The following RNF125 variants were observed in gnomAD, a reference collection of about 807,000 sequenced individuals.
The protein encoded by RNF125 is E3 ubiquitin-protein ligase RNF125.
RNF125 carries 21 observed loss-of-function variants against 26.0 expected under a neutral mutation model. The ratio of observed to expected loss-of-function variants is 0.81; its 90% CI spans 0.57 to 1.16. RNF125 has a LOEUF of 1.16. RNF125 is among the 50% of genes most tolerant of loss of function. RNF125 has a pLI of 0.00. For missense variants in RNF125, 270 were observed against 299.4 expected, an observed-to-expected ratio of 0.90 and a Z score of 0.72; for synonymous variants, 95 against 109.2, an observed-to-expected ratio of 0.87 and a Z score of 0.81.
chr18:32,043,815 A>C (rs1433343854), intron 3 of RNF125, among the ~76,000 whole-genome samples: 3 of 152,192 alleles, frequency 2.0e-5, no homozygotes, highest in Non-Finnish European at 1.5e-5. Flanking sequence ...TCTTTGCTTT[A>C]CAGAAGAATT....
At chr18:32,021,975 T>G (rs2038990868) in intron 1 of RNF125, among the ~76,000 whole-genome samples, 1 of 152,230 alleles carries the variant, frequency 6.6e-6, no homozygotes, top group Non-Finnish European at 1.5e-5. Flanking sequence ...ATTTCCATAT[T>G]CCTCCTTTTG....
At chr18:32,052,417 T>C (rs1308316332) in intron 4 of RNF125, among the ~76,000 whole-genome samples, 1 of 149,656 alleles carries the variant, frequency 6.7e-6, no homozygotes, top group African/African-American at 2.5e-5. Context: ...TGTTTGAACC[T>C]GGGAGGTGGA....
chr18:32,061,924 A>G (rs336279), intron 4 of RNF125, among the ~76,000 whole-genome samples: 69,845 of 152,054 alleles, frequency 0.46, 16,210 homozygotes, highest in African/African-American at 0.54. Flanking sequence ...GAGAGGCTGA[A>G]ATGAAATCGG....
the RNF125 span, among the ~76,000 whole-genome samples, chr18:32,083,043 C>T: frequency 6.6e-6 from 1 of 152,186 alleles, no homozygotes; most frequent in Non-Finnish European, 1.5e-5. Flanking sequence ...AAATGATGCC[C>T]ATGAGATGCT....
intron 1 of RNF125, among the ~76,000 whole-genome samples, chr18:32,035,581 G>T (rs1280205632): frequency 6.6e-6 from 1 of 152,058 alleles, no homozygotes; most frequent in African/African-American, 2.4e-5. Context: ...AAATTAGAAT[G>T]GACAATCTCA....
chr18:32,089,439 T>C, the RNF125 span, among the ~76,000 whole-genome samples: 9 of 152,312 alleles, frequency 5.9e-5, no homozygotes, highest in East Asian at 1.2e-3. Context: ...GTTTAAATTA[T>C]TGCAGCACAG....
intron 4 of RNF125, among the ~76,000 whole-genome samples, chr18:32,051,433 A>G (rs1306810438): frequency 1.3e-5 from 2 of 151,898 alleles, no homozygotes; most frequent in East Asian, 4.0e-4. Context: ...CCTGGCCAAC[A>G]TGGCAAAACC....
chr18:32,061,271 A>G (rs887413607), intron 4 of RNF125, among the ~76,000 whole-genome samples: 4 of 151,982 alleles, frequency 2.6e-5, no homozygotes, highest in Admixed American at 6.6e-5. Flanking sequence ...TGATCCGCCC[A>G]CCTTGCCCTC....
chr18:32,083,673 A>C, the RNF125 span, among the ~76,000 whole-genome samples: 3 of 152,084 alleles, frequency 2.0e-5, no homozygotes, highest in East Asian at 3.9e-4. Flanking sequence ...GCACTTTGGG[A>C]GGCCTAGGTA....
At position 32,045,861 on chromosome 18, in the gene RNF125, C is replaced by CT. The variant is rs2144484567; in HGVS notation, c.504+130dup. Reference sequence around the variant, plus strand: ...TATTTAAGTTAAGGTTATGGTAACTCTGTGACTGTTTACAATGTGTGAAAG... The same window carrying CT: ...TATTTAAGTTAAGGTTATGGTAACTCTTGTGACTGTTTACAATGTGTGAAAG... On this transcript the variant is annotated intron_variant, in intron 4 of 5. Coordinates refer to ENST00000217740, the MANE Select transcript of RNF125 (RefSeq NM_017831.4). 3 of 576,914 alleles carry CT rather than the reference C, an allele frequency of 5.2e-6. No individual in the cohort carries two copies. The South Asian group carries it at 6.7e-5, about 13-fold the overall frequency. The allele number at this position is 576,914 out of a possible 1,614,324, so 35.7% of individuals were successfully genotyped here.
At chr18:32,065,474 G>C (rs1163117061) in intron 4 of RNF125, among the ~76,000 whole-genome samples, 2 of 151,860 alleles carry the variant, frequency 1.3e-5, no homozygotes, top group Non-Finnish European at 2.9e-5. Context: ...CTGACCTCGT[G>C]ATCCACCCGC....
intron 3 of RNF125, among the ~76,000 whole-genome samples, chr18:32,044,386 AC>A (rs2039248540): frequency 6.6e-6 from 1 of 152,230 alleles, no homozygotes; most frequent in Non-Finnish European, 1.5e-5. Flanking sequence ...AGTTTAAATT[AC>A]CTTTCAATAT....
At chr18:32,032,603 T>C (rs1341767977) in intron 1 of RNF125, among the ~76,000 whole-genome samples, 4 of 152,106 alleles carry the variant, frequency 2.6e-5, no homozygotes, top group Admixed American at 2.6e-4. Flanking sequence ...TCACAGTATT[T>C]CAAGCAGGAC....
chr18:32,085,373 CAGAGAGAGAG>C, the RNF125 span, among the ~76,000 whole-genome samples: 7,618 of 128,740 alleles, frequency 0.059, 316 homozygotes, highest in East Asian at 0.26. Flanking sequence ...CTGCCAGAAG[CAGAGAGAGAG>C]AGAGAGAGAG....
chr18:32,032,919 A>T (rs1223378830), intron 1 of RNF125, among the ~76,000 whole-genome samples: 1 of 152,222 alleles, frequency 6.6e-6, no homozygotes, highest in East Asian at 1.9e-4. Flanking sequence ...GATACTCTGA[A>T]CAAGAAAGTT....
chr18:32,054,468 A>C lies in RNF125; in HGVS notation c.504+8736A>C, dbSNP rs573102930. Among the ~76,000 whole-genome samples, 4 of 152,342 alleles carry C rather than the reference A, an allele frequency of 2.6e-5. No individual in the cohort carries two copies. The South Asian group carries it at 8.3e-4, about 32-fold the overall frequency. ...TTTCTCTGTCCCATCACATCTAAAAAATATAATACTGAACAAAATCATTCT... is the reference window on the plus strand; with the variant it reads ...TTTCTCTGTCCCATCACATCTAAAACATATAATACTGAACAAAATCATTCT... On this transcript the variant is annotated intron_variant, in intron 4 of 5. Coordinates refer to ENST00000217740, the MANE Select transcript of RNF125 (RefSeq NM_017831.4).
At chr18:32,085,508 T>C in the RNF125 span, among the ~76,000 whole-genome samples, 3 of 151,608 alleles carry the variant, frequency 2.0e-5, no homozygotes, top group Non-Finnish European at 4.4e-5. Context: ...GAGACCAGCC[T>C]GACCAACATG....
chr18:32,046,853 A>G (rs2039277158), intron 4 of RNF125, among the ~76,000 whole-genome samples: 1 of 151,584 alleles, frequency 6.6e-6, no homozygotes, highest in South Asian at 2.1e-4. Context: ...GTTGTGAGGT[A>G]AGGCAGAGTG....
chr18:32,020,392 G>A (rs886914338), intron 1 of RNF125, among the ~76,000 whole-genome samples: 9 of 151,922 alleles, frequency 5.9e-5, no homozygotes, highest in Admixed American at 1.3e-4. Flanking sequence ...GTGTGTGTGT[G>A]TTGTGTCTGC....
Sources: gnomAD v4.1 joint callset for allele counts (sites outside exome capture counted in the v4.1 genomes callset) on GRCh38, gnomAD v4.1.1 for gene constraint, MANE v1.5 for transcripts, NCBI Gene and HGNC (gene_info 2026-07-23, HGNC 2026-07-21) for gene names.